Variants in IL1RN observed in about 807,000 individuals in gnomAD.
The protein encoded by IL1RN is interleukin-1 receptor antagonist protein.
IL1RN carries 10 observed loss-of-function variants against 13.7 expected under a neutral mutation model. That is an observed-to-expected ratio of 0.73 (90% CI 0.45 to 1.24). IL1RN has a LOEUF of 1.24. IL1RN is among the 50% of genes most tolerant of loss of function. The pLI is 0.00. For synonymous variants in IL1RN, 102 were observed against 82.7 expected (o/e 1.23, Z -1.27); for missense variants, 213 against 222.1 (o/e 0.96, Z 0.26).
chr2:113,099,869 G>T, the IL1RN span, among the ~76,000 whole-genome samples: 1 of 146,334 alleles, frequency 6.8e-6, no homozygotes, highest in East Asian at 2.0e-4. Flanking sequence ...CGAGTAGCTG[G>T]GACTACAGGC....
chr2:113,121,265 C>T (rs182046862), intron 2 of IL1RN, among the ~76,000 whole-genome samples: 12 of 152,324 alleles, frequency 7.9e-5, no homozygotes, highest in Admixed American at 3.3e-4. Flanking sequence ...TATAAAGTCA[C>T]TATGAATTTA....
At chr2:113,112,863 C>T (rs1686524193) in intron 1 of IL1RN, 1 of 152,234 alleles carries the variant, frequency 6.6e-6, no homozygotes, top group Admixed American at 6.5e-5. Context: ...ACTTGGCACA[C>T]AGTGGTTGGG....
At chr2:113,124,583 G>T (rs1014846567), upstream of IL1RN, among the ~76,000 whole-genome samples, 13 of 152,130 alleles carry the variant, frequency 8.5e-5, no homozygotes, top group African/African-American at 3.1e-4. Flanking sequence ...CACTTTACCT[G>T]GGGTAAAGAA....
At chr2:113,125,655 G>C (rs1297551817), upstream of IL1RN, among the ~76,000 whole-genome samples, 1 of 152,196 alleles carries the variant, frequency 6.6e-6, no homozygotes. Flanking sequence ...AAGATGTGTT[G>C]GTTGAGAGAA....
upstream of IL1RN, chr2:113,113,092 G>A (rs1376002873): frequency 2.0e-5 from 3 of 152,186 alleles, no homozygotes; most frequent in East Asian, 1.9e-4. Context: ...TCACGTACCC[G>A]ACGTGCTATA....
At position 113,131,323 on chromosome 2, in the gene IL1RN, T is replaced by A. The variant is rs380092; in HGVS notation, c.318+166T>A. ...TGGAAGCTGCATTCAGCAGAGTGCC[T>A]GGCTTGCGCTGGGCATCCAAGGTGG... On this transcript the variant is annotated intron_variant, in intron 3 of 3. Coordinates refer to ENST00000409930, the MANE Select transcript of IL1RN (RefSeq NM_173842.3). Among the ~76,000 whole-genome samples, 87,476 of 152,062 alleles carry A rather than the reference T, an allele frequency of 0.58. 27,520 individuals are homozygous for A. The highest frequency in any genetic ancestry group is 0.84 in the South Asian group (4,049 of 4,824).
At chr2:113,117,228 A>G (rs1186796742), upstream of IL1RN, among the ~76,000 whole-genome samples, 1 of 152,226 alleles carries the variant, frequency 6.6e-6, no homozygotes, top group Non-Finnish European at 1.5e-5. Flanking sequence ...GGTATAGGGC[A>G]TGGGGGTAAC....
At chr2:113,119,798 C>T (rs1194474134) in intron 1 of IL1RN, among the ~76,000 whole-genome samples, 1 of 152,120 alleles carries the variant, frequency 6.6e-6, no homozygotes, top group South Asian at 2.1e-4. Flanking sequence ...GTGAAGACAC[C>T]ATGTTCCCTG....
At chr2:113,124,098 A>G (rs1445133398), upstream of IL1RN, among the ~76,000 whole-genome samples, 3 of 152,138 alleles carry the variant, frequency 2.0e-5, no homozygotes, top group South Asian at 4.2e-4. Flanking sequence ...TGTTGTCTCT[A>G]GTGTCTAGTA....
chr2:113,108,243 T>TG (rs921344094), upstream of IL1RN, among the ~76,000 whole-genome samples: 10 of 151,358 alleles, frequency 6.6e-5, no homozygotes, highest in African/African-American at 1.5e-4. Flanking sequence ...CTTTTTTTTT[T>TG]GGGGGGGGTT....
At chr2:113,129,198 T>C (rs1665190) in intron 1 of IL1RN, among the ~76,000 whole-genome samples, 60,245 of 152,124 alleles carry the variant, frequency 0.4, 12,550 homozygotes, top group East Asian at 0.66. Context: ...AATAGCCACA[T>C]GTGGTTAGTG....
At chr2:113,099,723 CTTTTCTTTTTTT>C in the IL1RN span, among the ~76,000 whole-genome samples, 13 of 72,222 alleles carry the variant, frequency 1.8e-4, 1 homozygote, top group Admixed American at 1.3e-3. Flanking sequence ...CCTCTTCTTT[CTTTTCTTTTTTT>C]TTTTTTTTTT....
At chr2:113,131,178 T>G in intron 3 of IL1RN, 21 bp downstream of exon 3, 1 of 1,487,416 alleles carries the variant, frequency 6.7e-7, no homozygotes, top group South Asian at 1.1e-5. Context: ...GCTTTGGATC[T>G]CAAATCACCC....
chr2:113,118,026 T>C (rs1373711868), exon 1 of IL1RN: 2 of 1,603,668 alleles, frequency 1.2e-6, no homozygotes, highest in Non-Finnish European at 1.7e-6. Flanking sequence ...CCCATGGCTT[T>C]AGGTAAGCTC....
At chr2:113,111,504 C>A (rs1686494760) in intron 1 of IL1RN, among the ~76,000 whole-genome samples, 1 of 152,188 alleles carries the variant, frequency 6.6e-6, no homozygotes, top group South Asian at 2.1e-4. Context: ...CTGTAGTACA[C>A]CGCCTAGATT....
At chr2:113,128,940 G>C (rs575074487) in intron 1 of IL1RN, among the ~76,000 whole-genome samples, 1 of 152,144 alleles carries the variant, frequency 6.6e-6, no homozygotes, top group African/African-American at 2.4e-5. Flanking sequence ...TGTTCCCAAG[G>C]GTAGCTGCTC....
upstream of IL1RN, among the ~76,000 whole-genome samples, chr2:113,114,027 G>T (rs1686546874): frequency 6.6e-6 from 1 of 152,292 alleles, no homozygotes; most frequent in African/African-American, 2.4e-5. Flanking sequence ...GTAAGGCTTT[G>T]GTTGCAGGAG....
rs576076982 is a variant in IL1RN at position 113,132,941 on chromosome 2, C to G, written c.*70C>G. ...GCAGGGACTGCCAGTCCCCCTGCCC[C>G]AGGGCTCCCGGCTATGGGGGCACTG... On this transcript the variant is annotated 3_prime_UTR_variant, in exon 4 of 4. Transcript: ENST00000409930. 1.3e-6 allele frequency: 2 copies of G among 1,493,904 alleles called. No individual in the cohort carries two copies. The highest frequency in any genetic ancestry group is 4.5e-5 in the East Asian group (2 of 44,228). The allele number at this position is 1,493,904 out of a possible 1,614,324, so 92.5% of individuals were successfully genotyped here. A position where few individuals can be genotyped will look rare whatever the true frequency, so the allele number is the denominator to read the frequency against.
chr2:113,118,952 G>T (rs538089236), intron 1 of IL1RN, among the ~76,000 whole-genome samples: 1 of 152,322 alleles, frequency 6.6e-6, no homozygotes, highest in African/African-American at 2.4e-5. Context: ...CAGGAGAATT[G>T]CTGGAACCCG....
Sources: allele counts gnomAD v4.1 joint callset (sites outside exome capture counted in the v4.1 genomes callset), GRCh38; gene constraint gnomAD v4.1.1; transcripts MANE v1.5; gene names NCBI Gene and HGNC (gene_info 2026-07-23, HGNC 2026-07-21).